Variants in AQP9 observed in about 807,000 individuals in gnomAD.
AQP9 encodes aquaporin 9, also known as aquaporin-9.
A neutral mutation model predicts 23.8 loss-of-function variants in AQP9; 19 were observed. The ratio of observed to expected loss-of-function variants is 0.80; its 90% confidence interval spans 0.56 to 1.17. AQP9 has a LOEUF of 1.17. Ranked by LOEUF, AQP9 falls within the 50% of genes most tolerant of loss-of-function variation. The pLI is 0.00. For synonymous variants in AQP9, 153 were observed against 131.5 expected, an observed-to-expected ratio of 1.16 and a Z score of -1.12; for missense variants, 413 against 362.0, an observed-to-expected ratio of 1.14 and a Z score of -1.14.
At chr15:58,166,227 C>G (rs1314860089) in intron 1 of AQP9, among the ~76,000 whole-genome samples, 2 of 152,246 alleles carry the variant, frequency 1.3e-5, no homozygotes, top group East Asian at 3.9e-4. Flanking sequence ...AAAGGGATCC[C>G]CAACTGCTAC....
rs1897894656 is a variant in AQP9 at position 58,138,464 on chromosome 15, C to G, written c.-102C>G. 1.2e-6 allele frequency: 1 copy of G among 835,450 alleles called. No homozygotes were observed. The highest frequency in any genetic ancestry group is 2.5e-5 in the Admixed American group (1 of 39,888). The allele number at this position is 835,450 out of a possible 1,614,324, so 51.8% of individuals were successfully genotyped here. On this transcript the variant is annotated 5_prime_UTR_variant, in exon 1 of 6. The change creates a new upstream start codon in the 5' untranslated region. Transcript: ENST00000219919. ...ACTCTTACCAGACATCTCCAGGAATCTGTGAGCCATTGTCAAAACGTCCAT... is the reference window on the plus strand; with the variant it reads ...ACTCTTACCAGACATCTCCAGGAATGTGTGAGCCATTGTCAAAACGTCCAT...
chr15:58,166,799 G>C lies in AQP9; in HGVS notation c.238G>C (p.Gly80Arg), dbSNP rs1898518150. 2 of 1,613,278 alleles carry C rather than the reference G, an allele frequency of 1.2e-6. No homozygotes were observed. Residue 80 changes from glycine to arginine, a missense_variant and splice_region_variant, in exon 2 of 6, where the codon GGT becomes CGT. Coordinates refer to ENST00000219919, the MANE Select transcript of AQP9 (RefSeq NM_020980.5). ...CATTTATGTGGCTGGCGGTGTCTCT[G>C]GTAAGCAGTAGAAATAATGAATGCT... is the stretch of plus-strand genomic sequence containing the variant. ...MAIYVAGGVS[G>R]GHINPAVSLA...
intron 5 of AQP9, among the ~76,000 whole-genome samples, chr15:58,180,729 G>C (rs1898868233): frequency 6.6e-6 from 1 of 152,166 alleles, no homozygotes; most frequent in Non-Finnish European, 1.5e-5. Flanking sequence ...CTGAGGGAAG[G>C]GGCTGCTACT....
chr15:58,144,713 T>G (rs1486487299), intron 1 of AQP9, among the ~76,000 whole-genome samples: 3 of 152,032 alleles, frequency 2.0e-5, no homozygotes, highest in African/African-American at 7.2e-5. Context: ...CAAGAAAAAT[T>G]TCTTTAAAAG....
chr15:58,153,722 A>G (rs530843498), intron 1 of AQP9: 3 of 152,262 alleles, frequency 2.0e-5, no homozygotes, highest in Admixed American at 2.0e-4. Flanking sequence ...GCAGCCTCAC[A>G]CTTACAGGTA....
At chr15:58,149,954 G>A (rs540261938) in intron 1 of AQP9, among the ~76,000 whole-genome samples, 1 of 152,350 alleles carries the variant, frequency 6.6e-6, no homozygotes, top group Non-Finnish European at 1.5e-5. Flanking sequence ...GCTTTCTCCA[G>A]GAGCTAGGAC....
chr15:58,178,485 A>T (rs1177854002), intron 4 of AQP9, among the ~76,000 whole-genome samples: 1 of 152,232 alleles, frequency 6.6e-6, no homozygotes, highest in African/African-American at 2.4e-5. Flanking sequence ...AAATTGTATA[A>T]ATAAATTTAT....
chr15:58,182,863 G>A (rs1898923679), intron 5 of AQP9, among the ~76,000 whole-genome samples: 1 of 152,190 alleles, frequency 6.6e-6, no homozygotes, highest in Non-Finnish European at 1.5e-5. Flanking sequence ...TGGAGCTCAC[G>A]ATGGGGAATG....
intron 5 of AQP9, among the ~76,000 whole-genome samples, chr15:58,181,544 G>A (rs761516382): frequency 6.6e-6 from 1 of 152,150 alleles, no homozygotes; most frequent in Non-Finnish European, 1.5e-5. Flanking sequence ...AGAGAGAACC[G>A]TTATTCAAAG....
intron 2 of AQP9, among the ~76,000 whole-genome samples, chr15:58,171,065 C>T (rs1898609543): frequency 6.6e-6 from 1 of 150,852 alleles, no homozygotes; most frequent in African/African-American, 2.4e-5. Flanking sequence ...GCCAGGATCA[C>T]AGGTGCGAGC....
rs8028649 is a variant in AQP9 at position 58,178,325 on chromosome 15, A to G, written c.496-803A>G. Among the ~76,000 whole-genome samples the G allele has an allele frequency of 9.3e-3, 1,413 of 152,296 alleles. 27 individuals carry two copies. Among genetic ancestry groups the G allele is most frequent in the African/African-American group, 0.032 (1,331 of 41,570 alleles). On this transcript the variant is annotated intron_variant, in intron 4 of 5. Coordinates refer to ENST00000219919, the MANE Select transcript of AQP9 (RefSeq NM_020980.5). ...ATTACTACATAGCTTTTATGTTTAT[A>G]GTTTTTAATGGCTATACAGTAGACT...
chr15:58,167,105 A>T (rs565275376), intron 2 of AQP9, among the ~76,000 whole-genome samples: 4 of 152,332 alleles, frequency 2.6e-5, no homozygotes, highest in African/African-American at 9.6e-5. Flanking sequence ...TCTAGTCCAC[A>T]TTTGGAATCC....
intron 3 of AQP9, 104 bp from the exon 4 acceptor site, chr15:58,174,814 C>T (rs901653783): frequency 3.2e-5 from 30 of 927,310 alleles, no homozygotes; most frequent in Non-Finnish European, 5.1e-5. Context: ...CATGGCTATG[C>T]CAAGCTCAAT....
At chr15:58,168,771 G>T (rs574747382) in intron 2 of AQP9, among the ~76,000 whole-genome samples, 1 of 152,132 alleles carries the variant, frequency 6.6e-6, no homozygotes, top group African/African-American at 2.4e-5. Context: ...TCCAAGAAGG[G>T]CACAAGAAAA....
At chr15:58,149,107 G>A (rs1394161845) in intron 1 of AQP9, among the ~76,000 whole-genome samples, 2 of 152,130 alleles carry the variant, frequency 1.3e-5, no homozygotes, top group African/African-American at 4.8e-5. Context: ...TAACTGACAG[G>A]AAAGCTGTGC....
intron 2 of AQP9, among the ~76,000 whole-genome samples, chr15:58,167,651 A>C (rs991266545): frequency 6.6e-6 from 1 of 152,176 alleles, no homozygotes; most frequent in Admixed American, 6.5e-5. Context: ...AGAAGAGCTG[A>C]GATTTGATCC....
chr15:58,178,429 TTTTAGA>T (rs1196885233), intron 4 of AQP9, among the ~76,000 whole-genome samples: 3 of 152,200 alleles, frequency 2.0e-5, no homozygotes, highest in Admixed American at 6.5e-5. Context: ...TTTTTCCACG[TTTTAGA>T]TTATTTCCAT....
rs180787426 is a variant in AQP9, at chr15:58,184,532, A to G, written c.*397A>G. On this transcript the variant is annotated 3_prime_UTR_variant, in exon 6 of 6. Coordinates refer to ENST00000219919, the MANE Select transcript of AQP9 (RefSeq NM_020980.5). ...CTTTTCTTCAGTATCGACAAAGATTACATTCTGAGTACCAACCAAACCCTA... is the reference window on the plus strand; with the variant it reads ...CTTTTCTTCAGTATCGACAAAGATTGCATTCTGAGTACCAACCAAACCCTA... The G allele has an allele frequency of 2.6e-3, 414 of 160,876 alleles. No individual in the cohort carries two copies. Among genetic ancestry groups the G allele is most frequent in the Middle Eastern group, 9.2e-3 (3 of 326 alleles). 10.0% of individuals were successfully genotyped at this position (160,876 alleles called of 1,614,324 possible).
In AQP9 at chr15:58,141,156, T is replaced by C. The variant is rs574753848; in HGVS notation, c.111+2480T>C. On this transcript the variant is annotated intron_variant, in intron 1 of 5. Coordinates refer to ENST00000219919, the MANE Select transcript of AQP9 (RefSeq NM_020980.5). Reference sequence around the variant, plus strand: ...CAATGCAAAAGGCTGATCTCTTCCTTGGGCTGAACTTCAGAGAATCTCTAG... The same window carrying C: ...CAATGCAAAAGGCTGATCTCTTCCTCGGGCTGAACTTCAGAGAATCTCTAG... Among the ~76,000 whole-genome samples the C allele has an allele frequency of 7.2e-5, 11 of 152,338 alleles. No individual in the cohort carries two copies. In the East Asian group the frequency reaches 1.9e-3, roughly 27 times the overall value.
Sources: gnomAD v4.1 joint callset for allele counts (sites outside exome capture counted in the v4.1 genomes callset) on GRCh38, gnomAD v4.1.1 for gene constraint, MANE v1.5 for transcripts, NCBI Gene and HGNC (gene_info 2026-07-23, HGNC 2026-07-21) for gene names.